The following VIRMA variants were observed in gnomAD, a reference collection of about 807,000 sequenced individuals.
VIRMA encodes the protein vir like m6A methyltransferase associated.
Under a neutral mutation model 182.4 loss-of-function variants are expected in VIRMA, and 65 were observed. The observed-to-expected ratio is 0.36, with a 90% CI of 0.29 to 0.44. The LOEUF (loss-of-function observed/expected upper bound fraction) is 0.44. Ranked by LOEUF, VIRMA falls within the 20% of genes least tolerant of loss-of-function variation. VIRMA has a pLI of 1.00. For synonymous variants in VIRMA, 709 were observed against 743.1 expected (o/e 0.95, Z 0.75); for missense variants, 1,752 against 2,158.1 (o/e 0.81, Z 3.73).
chr8:94,492,531 C>T, intron 21 of VIRMA, 121 bp downstream of exon 21: 1 of 706,172 alleles, frequency 1.4e-6, no homozygotes, highest in African/African-American at 1.8e-5. Flanking sequence ...CTCGGCCTCC[C>T]AAAATGCTGG....
At chr8:94,516,081 C>A (rs1197250915) in intron 10 of VIRMA, among the ~76,000 whole-genome samples, 1 of 152,120 alleles carries the variant, frequency 6.6e-6, no homozygotes, top group Non-Finnish European at 1.5e-5. Flanking sequence ...ACACTCCAGC[C>A]TGGAGACGGT....
At chr8:94,516,856 AAAG>A (rs1185255328) in intron 10 of VIRMA, among the ~76,000 whole-genome samples, 1 of 152,220 alleles carries the variant, frequency 6.6e-6, no homozygotes, top group East Asian at 1.9e-4. Context: ...ATTAAAAAGA[AAAG>A]AAGAGGCCAC....
intron 11 of VIRMA, among the ~76,000 whole-genome samples, chr8:94,513,824 T>C (rs548462648): frequency 6.6e-6 from 1 of 152,222 alleles, no homozygotes; most frequent in South Asian, 2.1e-4. Flanking sequence ...GAAAATGTAA[T>C]GAAAAGTTCT....
rs376673972 is a variant in VIRMA, at chr8:94,499,458, C to G, written c.4146G>C (p.Val1382=). 1 of 1,610,366 alleles carries G rather than the reference C, an allele frequency of 6.2e-7. No homozygotes were observed. The highest frequency in any genetic ancestry group is 1.3e-5 in the African/African-American group (1 of 74,836). The change falls in exon 17 of 24, where the codon GTG becomes GTC. Residue 1382 remains valine, a synonymous_variant. Transcript: ENST00000297591. Reference sequence around the variant, plus strand: ...CTGTGTCCTTACTAAATGTGCTGACCACTCGTTTCAGTAAACTATGCAGAG... The same window carrying G: ...CTGTGTCCTTACTAAATGTGCTGACGACTCGTTTCAGTAAACTATGCAGAG... ...SSALHSLLKR[V]VSTFSKDTGE... is the part of the protein sequence containing the mutation.
intron 23 of VIRMA, among the ~76,000 whole-genome samples, chr8:94,489,691 A>AAT (rs985403409): frequency 1.3e-5 from 2 of 151,980 alleles, no homozygotes; most frequent in African/African-American, 4.8e-5. Flanking sequence ...CACATTATAT[A>AAT]ATATATATAT....
intron 1 of VIRMA, chr8:94,547,158 A>T (rs1449856558): frequency 2.8e-6 from 1 of 360,354 alleles, no homozygotes; most frequent in Non-Finnish European, 5.4e-6. Flanking sequence ...TTTAAAGAAG[A>T]CAGACCTATG....
At chr8:94,507,431 A>G (rs1015979693) in intron 15 of VIRMA, among the ~76,000 whole-genome samples, 6 of 150,696 alleles carry the variant, frequency 4.0e-5, no homozygotes, top group Non-Finnish European at 7.4e-5. Context: ...CACTGTGCCC[A>G]GCCAGAAATA....
intron 16 of VIRMA, among the ~76,000 whole-genome samples, chr8:94,502,513 AAAAGAAAGT>A (rs1269719245): frequency 5.3e-5 from 8 of 152,110 alleles, no homozygotes; most frequent in African/African-American, 1.7e-4. Context: ...ATAAAATGTA[AAAAGAAAGT>A]AAATGTATGT....
At chr8:94,521,013 A>C (rs1391756243) in intron 8 of VIRMA, among the ~76,000 whole-genome samples, 2 of 149,568 alleles carry the variant, frequency 1.3e-5, no homozygotes, top group African/African-American at 2.5e-5. Context: ...TTCTCCCTAA[A>C]CTCTTTTCCA....
intron 2 of VIRMA, among the ~76,000 whole-genome samples, 200 bp from the exon 3 acceptor site, chr8:94,538,546 G>T (rs915007529): frequency 6.6e-6 from 1 of 152,140 alleles, no homozygotes; most frequent in Non-Finnish European, 1.5e-5. Flanking sequence ...GCCAACAGCT[G>T]ATTTTAAGTA....
At chr8:94,490,481 C>T (rs1292482015) in intron 22 of VIRMA, among the ~76,000 whole-genome samples, 2 of 152,210 alleles carry the variant, frequency 1.3e-5, no homozygotes, top group Non-Finnish European at 2.9e-5. Context: ...ACCCTCCTAA[C>T]TCAGCAGGTA....
chr8:94,538,786 G>A (rs1043739270), intron 2 of VIRMA, among the ~76,000 whole-genome samples: 3 of 152,006 alleles, frequency 2.0e-5, no homozygotes, highest in Non-Finnish European at 4.4e-5. Context: ...TGATTTTTTT[G>A]TATTTTTAGT....
intron 2 of VIRMA, among the ~76,000 whole-genome samples, chr8:94,541,263 A>C (rs574738060): frequency 2.2e-4 from 34 of 152,074 alleles, no homozygotes; most frequent in African/African-American, 8.2e-4. Flanking sequence ...CGAGGACTAC[A>C]GGCATGAGCC....
intron 1 of VIRMA, among the ~76,000 whole-genome samples, chr8:94,550,521 T>C (rs561595950): frequency 5.5e-4 from 84 of 152,292 alleles, no homozygotes; most frequent in African/African-American, 1.9e-3. Context: ...CTCGATCTCC[T>C]GACCTCGTGA....
chr8:94,546,212 A>C (rs1815756993), intron 1 of VIRMA, among the ~76,000 whole-genome samples: 1 of 151,066 alleles, frequency 6.6e-6, no homozygotes. Context: ...GACAATTCCC[A>C]ATCTGTATCT....
At chr8:94,552,515 A>G (rs1816026758) in intron 1 of VIRMA, among the ~76,000 whole-genome samples, 1 of 152,266 alleles carries the variant, frequency 6.6e-6, no homozygotes, top group Admixed American at 6.5e-5. Flanking sequence ...TCTCCAAAGA[A>G]AGAACAGTTC....
At chr8:94,523,749 C>T (rs1814856549) in intron 8 of VIRMA, among the ~76,000 whole-genome samples, 1 of 151,940 alleles carries the variant, frequency 6.6e-6, no homozygotes, top group East Asian at 1.9e-4. Flanking sequence ...CTGCCTCAGC[C>T]TCCCGAGTTA....
intron 19 of VIRMA, among the ~76,000 whole-genome samples, chr8:94,495,310 C>T (rs1418061785): frequency 6.6e-6 from 1 of 152,002 alleles, no homozygotes; most frequent in Non-Finnish European, 1.5e-5. Context: ...AGTCTTTTAG[C>T]TTATCTTCAA....
chr8:94,491,658 C>T lies in VIRMA; in HGVS notation c.5060G>A (p.Arg1687His). 1.2e-6 allele frequency: 2 copies of T among 1,614,172 alleles called. No individual in the cohort carries two copies. Among genetic ancestry groups the T allele is most frequent in the Middle Eastern group, 1.6e-4 (1 of 6,062 alleles). ...PLKVSQKISSRGGFSGNRGGR... is the reference protein window; with the variant it reads ...PLKVSQKISSHGGFSGNRGGR... ...TCCTCTATTGCCTGAAAACCCACCA[C>T]GGGAAGAAATCTTCTGTGATACTTT... The change falls in exon 22 of 24, where the codon CGT (arginine) becomes CAT (histidine). Residue 1687 changes from arginine (R) to histidine (H), a missense_variant. Coordinates refer to ENST00000297591, the MANE Select transcript of VIRMA (RefSeq NM_015496.5).
Sources: gnomAD v4.1 joint callset for allele counts (sites outside exome capture counted in the v4.1 genomes callset) on GRCh38, gnomAD v4.1.1 for gene constraint, MANE v1.5 for transcripts, NCBI Gene and HGNC (gene_info 2026-07-23, HGNC 2026-07-21) for gene names.